The following AR variants were observed in gnomAD, a reference collection of about 807,000 sequenced individuals.
AR encodes the protein androgen receptor, also known as dihydrotestosterone receptor.
In AR, 8 loss-of-function variants were observed where a neutral mutation model predicts 53.9. That is an observed-to-expected ratio of 0.15 (90% CI 0.09 to 0.27). The LOEUF is 0.27. AR is among the 10% of genes least tolerant of loss of function. The pLI, the probability that AR is intolerant of heterozygous loss-of-function variation, is 1.00. For missense variants in AR, 639 were observed against 742.5 expected, an observed-to-expected ratio of 0.86 and a Z score of 1.62; for synonymous variants, 359 against 316.4, an observed-to-expected ratio of 1.13 and a Z score of -1.43.
At chrX:67,627,634 A>G (rs1924759715) in intron 1 of AR, among the ~76,000 whole-genome samples, 1 of 111,515 alleles carries the variant, frequency 9.0e-6, no homozygotes, top group African/African-American at 3.3e-5. Flanking sequence ...TCTTTAGTTG[A>G]ATTAGATCCC....
chrX:67,638,077 T>C (rs1488845779), intron 1 of AR, among the ~76,000 whole-genome samples: 1 of 111,231 alleles, frequency 9.0e-6, no homozygotes, highest in Non-Finnish European at 1.9e-5. Flanking sequence ...ATGCAGTGTT[T>C]GATTTTCTTT....
At chrX:67,649,282 C>T (rs973935865) in intron 2 of AR, among the ~76,000 whole-genome samples, 3 of 112,171 alleles carry the variant, frequency 2.7e-5, no homozygotes, top group African/African-American at 9.7e-5. Context: ...CATTGATGGG[C>T]ATTTCGGTTG....
At chrX:67,567,262 A>G (rs1291172823) in intron 1 of AR, among the ~76,000 whole-genome samples, 1 of 111,558 alleles carries the variant, frequency 9.0e-6, no homozygotes, top group Non-Finnish European at 1.9e-5. Flanking sequence ...TAACTGTAAT[A>G]TGGAAAATCA....
chrX:67,710,746 T>C (rs2076090466), intron 3 of AR, among the ~76,000 whole-genome samples: 2 of 112,162 alleles, frequency 1.8e-5, no homozygotes, highest in Admixed American at 9.5e-5. Context: ...CATACTAGTG[T>C]CTAGTTTTTC....
At chrX:67,567,390 G>A (rs905755515) in intron 1 of AR, among the ~76,000 whole-genome samples, 1 of 111,579 alleles carries the variant, frequency 9.0e-6, no homozygotes, top group Non-Finnish European at 1.9e-5. Flanking sequence ...TGAGGACTAA[G>A]AGTAATGGAG....
chrX:67,658,275 G>A (rs1926684432), intron 2 of AR, among the ~76,000 whole-genome samples: 1 of 111,950 alleles, frequency 8.9e-6, no homozygotes, highest in Admixed American at 9.5e-5. Context: ...CATGAAAGCT[G>A]CAGGCTTTGA....
chrX:67,659,652 A>G (rs1167393981), intron 2 of AR, among the ~76,000 whole-genome samples: 2 of 111,848 alleles, frequency 1.8e-5, no homozygotes, highest in Non-Finnish European at 3.8e-5. Context: ...AGGCTTTGCT[A>G]TTGTGAATAG....
At chrX:67,586,107 C>A (rs760162325) in intron 1 of AR, among the ~76,000 whole-genome samples, 1 of 111,572 alleles carries the variant, frequency 9.0e-6, no homozygotes, top group African/African-American at 3.3e-5. Flanking sequence ...ATGAATTACT[C>A]AGGATGAAAT....
chrX:67,664,382 T>G (rs1414281711), intron 2 of AR, among the ~76,000 whole-genome samples: 1 of 112,175 alleles, frequency 8.9e-6, no homozygotes, highest in Non-Finnish European at 1.9e-5. Context: ...GCAGGTCCAC[T>G]CCAGACCCTG....
chrX:67,566,976 A>G (rs757477875), intron 1 of AR, among the ~76,000 whole-genome samples: 1 of 111,642 alleles, frequency 9.0e-6, no homozygotes, highest in Non-Finnish European at 1.9e-5. Context: ...TCAAGATCAC[A>G]TAGTATAGTA....
At chrX:67,679,278 G>C (rs1358342302) in intron 2 of AR, among the ~76,000 whole-genome samples, 3 of 111,014 alleles carry the variant, frequency 2.7e-5, no homozygotes, top group Non-Finnish European at 5.7e-5. Flanking sequence ...CTTCATTTTT[G>C]TTATTATTTT....
chrX:67,662,495 A>C (rs1198062215), intron 2 of AR, among the ~76,000 whole-genome samples: 4 of 110,972 alleles, frequency 3.6e-5, no homozygotes, highest in Non-Finnish European at 7.6e-5. Flanking sequence ...CATGTAGTTG[A>C]GCGGTTTTGA....
At chrX:67,606,062 T>A (rs370859618) in intron 1 of AR, among the ~76,000 whole-genome samples, 4 of 111,747 alleles carry the variant, frequency 3.6e-5, no homozygotes, top group Admixed American at 1.9e-4. Context: ...CTATTTTTTT[T>A]AAATTTCATA....
chrX:67,662,762 T>C (rs1343157277), intron 2 of AR, among the ~76,000 whole-genome samples: 1 of 111,159 alleles, frequency 9.0e-6, no homozygotes, highest in East Asian at 2.8e-4. Context: ...GGAGTCTAAG[T>C]CTCTTTGTAG....
intron 1 of AR, among the ~76,000 whole-genome samples, chrX:67,626,715 A>T (rs376108045): frequency 1.0e-5 from 1 of 100,313 alleles, no homozygotes; most frequent in Non-Finnish European, 2.0e-5. Context: ...TGTGCCATGC[A>T]GGTGCGCTGC....
At chrX:67,601,382 G>T (rs1310285433) in intron 1 of AR, among the ~76,000 whole-genome samples, 3 of 111,652 alleles carry the variant, frequency 2.7e-5, no homozygotes, top group Non-Finnish European at 5.7e-5. Flanking sequence ...GTTGTAAGTT[G>T]CTTGATAGTA....
chrX:67,709,849 AT>A (rs1169230671), intron 3 of AR, among the ~76,000 whole-genome samples: 1 of 111,953 alleles, frequency 8.9e-6, no homozygotes, highest in African/African-American at 3.3e-5. Flanking sequence ...AAATTGTCAT[AT>A]GTTGAGCCCA....
At chrX:67,629,097 TC>T (rs1404771407) in intron 1 of AR, among the ~76,000 whole-genome samples, 1 of 111,625 alleles carries the variant, frequency 9.0e-6, no homozygotes, top group African/African-American at 3.3e-5. Flanking sequence ...TCTAAAATTC[TC>T]TTTTTTGGTT....
At chrX:67,676,601 G>A (rs1374383898) in intron 2 of AR, among the ~76,000 whole-genome samples, 3 of 111,322 alleles carry the variant, frequency 2.7e-5, no homozygotes, top group Admixed American at 9.6e-5. Context: ...GCCTGTGCAG[G>A]GTTTATGGCA....
Sources: allele counts gnomAD v4.1 joint callset (sites outside exome capture counted in the v4.1 genomes callset), GRCh38; gene constraint gnomAD v4.1.1; transcripts MANE v1.5; gene names NCBI Gene and HGNC (gene_info 2026-07-23, HGNC 2026-07-21).